Variants in ATP1B2 observed in about 807,000 individuals in gnomAD.
The protein encoded by ATP1B2 is ATPase Na+/K+ transporting subunit beta 2.
In ATP1B2, 12 loss-of-function variants were observed where a neutral mutation model predicts 37.3. The ratio of observed to expected loss-of-function variants is 0.32; its 90% CI spans 0.21 to 0.52. The LOEUF is 0.52. Ranked by LOEUF, ATP1B2 falls within the 20% of genes least tolerant of loss-of-function variation. ATP1B2 has a pLI of 0.96. For synonymous variants in ATP1B2, 139 were observed against 140.5 expected (o/e 0.99, Z 0.07); for missense variants, 324 against 391.6 (o/e 0.83, Z 1.46).
At chr17:7,649,976 G>A (rs563800978), upstream of ATP1B2, among the ~76,000 whole-genome samples, 9 of 152,304 alleles carry the variant, frequency 5.9e-5, no homozygotes, top group East Asian at 1.9e-4. Flanking sequence ...ACAGGCATAA[G>A]CCACCGTGCC....
At chr17:7,651,980 C>T (rs1387604002) in intron 1 of ATP1B2, among the ~76,000 whole-genome samples, 1 of 152,170 alleles carries the variant, frequency 6.6e-6, no homozygotes, top group African/African-American at 2.4e-5. Context: ...TCCCTCCCTC[C>T]GGCTCTCACT....
In ATP1B2 at chr17:7,654,612, T is replaced by A. The variant is rs772035818; in HGVS notation, c.553-16T>A. 1.9e-6 allele frequency: 3 copies of A among 1,613,904 alleles called. No individual in the cohort carries two copies. In the South Asian group the frequency reaches 3.3e-5, roughly 18 times the overall value. ...CTTCTTCCTCTGACTCTCTTCACCT[T>A]CCACCCTCACTCCAGGTCATCAACT... On this transcript the variant is annotated splice_polypyrimidine_tract_variant and intron_variant, in intron 4 of 6. Transcript: ENST00000250111. The surrounding 1 kb of genome is among the most constrained non-coding windows in gnomAD (Gnocchi z 4.9).
chr17:7,648,188 C>T (rs2150976149), upstream of ATP1B2, among the ~76,000 whole-genome samples: 1 of 152,152 alleles, frequency 6.6e-6, no homozygotes, highest in South Asian at 2.1e-4. Context: ...TGCAGTGAGC[C>T]AAGATCGCGT....
chr17:7,654,604 C>T lies in ATP1B2; in HGVS notation c.553-24C>T, dbSNP rs998783323. On this transcript the variant is annotated intron_variant, in intron 4 of 6. Transcript: ENST00000250111. The surrounding 1 kb of genome is among the most constrained non-coding windows in gnomAD (Gnocchi z 4.9). ...TTCGACAACTTCTTCCTCTGACTCT[C>T]TTCACCTTCCACCCTCACTCCAGGT... 2 of 1,613,566 alleles carry T rather than the reference C, an allele frequency of 1.2e-6. No individual in the cohort carries two copies. Among genetic ancestry groups the T allele is most frequent in the South Asian group, 2.2e-5 (2 of 91,046 alleles).
chr17:7,648,019 T>C (rs1348461742), upstream of ATP1B2, among the ~76,000 whole-genome samples: 1 of 151,496 alleles, frequency 6.6e-6, no homozygotes, highest in Non-Finnish European at 1.5e-5. Context: ...ATCCCTTGAG[T>C]CCAGGAGTCC....
At chr17:7,647,859 G>GA (rs1296438638), upstream of ATP1B2, among the ~76,000 whole-genome samples, 6 of 150,880 alleles carry the variant, frequency 4.0e-5, no homozygotes, top group Non-Finnish European at 7.4e-5. Context: ...AAATAGCAAA[G>GA]AAAAAAACAC....
At chr17:7,651,948 C>G (rs1487221495) in intron 1 of ATP1B2, among the ~76,000 whole-genome samples, 2 of 152,188 alleles carry the variant, frequency 1.3e-5, no homozygotes, top group African/African-American at 4.8e-5. Context: ...ACGGGCGTCC[C>G]CCACCTCCAA....
chr17:7,653,115 A>G (rs1042129599), intron 1 of ATP1B2, among the ~76,000 whole-genome samples: 2 of 152,196 alleles, frequency 1.3e-5, no homozygotes, highest in African/African-American at 4.8e-5. Context: ...AATTGGAGGC[A>G]AAATAACAGA....
In ATP1B2 at chr17:7,651,292, A is replaced by T. The variant is rs2072610273; in HGVS notation, c.-227A>T. ...CTCTGACAGCACCCCTTTTCATCGC[A>T]GTTGGGGGGCCTAGGATCGGTGCAT... On this transcript the variant is annotated 5_prime_UTR_variant, in exon 1 of 7. Coordinates refer to ENST00000250111, the MANE Select transcript of ATP1B2 (RefSeq NM_001678.5). 1.8e-6 allele frequency: 1 copy of T among 552,188 alleles called. No homozygotes were observed. The highest frequency in any genetic ancestry group is 3.1e-5 in the Admixed American group (1 of 32,196). 34.2% of individuals were successfully genotyped at this position (552,188 alleles called of 1,614,324 possible).
Position 7,654,939 on chromosome 17 carries a change from C to G in ATP1B2, c.609+255C>G. On this transcript the variant is annotated intron_variant, in intron 5 of 6. Transcript: ENST00000250111. The surrounding 1 kb of genome is among the most constrained non-coding windows in gnomAD (Gnocchi z 4.9). ...GGGCCAGACACACGCCCTCCTCCAC[C>G]AACGCCCTGGCCTCTGGCTTCTCTC... is the stretch of plus-strand genomic sequence containing the variant. 2.0e-6 allele frequency: 1 copy of G among 500,810 alleles called. No individual in the cohort carries two copies. Among genetic ancestry groups the G allele is most frequent in the South Asian group, 2.6e-5 (1 of 38,670 alleles). 31.0% of individuals were successfully genotyped at this position (500,810 alleles called of 1,614,324 possible).
At chr17:7,649,879 A>C (rs1330852584), upstream of ATP1B2, among the ~76,000 whole-genome samples, 4 of 151,546 alleles carry the variant, frequency 2.6e-5, no homozygotes, top group African/African-American at 9.7e-5. Flanking sequence ...TTTTAAGTAG[A>C]GACGGGGTTT....
Position 7,654,863 on chromosome 17 carries a change from G to A in ATP1B2, c.609+179G>A. ...CTCCACTGTAGCTTGAACTCCGAGG[G>A]CCCCGCACTCCTCTTGCTTCTCTCT... On this transcript the variant is annotated intron_variant, in intron 5 of 6. Coordinates refer to ENST00000250111, the MANE Select transcript of ATP1B2 (RefSeq NM_001678.5). This position sits in a 1 kb window ranked among gnomAD's most constrained non-coding sequence, Gnocchi z 4.9. The A allele has an allele frequency of 1.6e-6, 1 of 642,688 alleles. No individual in the cohort carries two copies. Among genetic ancestry groups the A allele is most frequent in the South Asian group, 1.9e-5 (1 of 51,936 alleles). 39.8% of individuals were successfully genotyped at this position (642,688 alleles called of 1,614,324 possible).
upstream of ATP1B2, among the ~76,000 whole-genome samples, chr17:7,650,860 T>TGGGAAGGGGGC (rs2063521565): frequency 1.1e-5 from 1 of 91,544 alleles, no homozygotes; most frequent in African/African-American, 4.1e-5. Context: ...CTTCTGGGGG[T>TGGGAAGGGGGC]GGGAAGGGGG....
chr17:7,650,374 G>A (rs1471811272), upstream of ATP1B2, among the ~76,000 whole-genome samples: 1 of 152,138 alleles, frequency 6.6e-6, no homozygotes, highest in Non-Finnish European at 1.5e-5. Context: ...AGAAGGAGGC[G>A]TCTGGGGGAC....
rs770134722 is a variant in ATP1B2 at position 7,655,727 on chromosome 17, C to G, written c.709-4C>G. ...CTAGACCCTGCACTGCTCCTCCGGC[C>G]CAGGTGAACTACACACAGCCCCTGG... On this transcript the variant is annotated splice_polypyrimidine_tract_variant and splice_region_variant and intron_variant, in intron 6 of 6. Transcript: ENST00000250111. The surrounding 1 kb of genome is among the most constrained non-coding windows in gnomAD (Gnocchi z 4.4). 6.2e-7 allele frequency: 1 copy of G among 1,614,048 alleles called. No homozygotes were observed. Among genetic ancestry groups the G allele is most frequent in the Non-Finnish European group, 8.5e-7 (1 of 1,179,984 alleles).
chr17:7,651,465 C>G lies in ATP1B2; in HGVS notation c.-54C>G, dbSNP rs545347898. On this transcript the variant is annotated 5_prime_UTR_variant, in exon 1 of 7. Coordinates refer to ENST00000250111, the MANE Select transcript of ATP1B2 (RefSeq NM_001678.5). ...GTGGAGGGCTTCAGCGCGCGGCGCC[C>G]CCGCTTCTCCGCAACCCCCCGCCCC... is the stretch of plus-strand genomic sequence containing the variant. The G allele has an allele frequency of 6.7e-7, 1 of 1,499,030 alleles. No individual in the cohort carries two copies. Among genetic ancestry groups the G allele is most frequent in the Non-Finnish European group, 9.1e-7 (1 of 1,102,410 alleles). 92.9% of individuals were successfully genotyped at this position (1,499,030 alleles called of 1,614,324 possible).
chr17:7,649,386 T>C (rs891300720), upstream of ATP1B2, among the ~76,000 whole-genome samples: 2 of 151,856 alleles, frequency 1.3e-5, no homozygotes, highest in Non-Finnish European at 2.9e-5. Flanking sequence ...GATAATGATT[T>C]TTTTTTTCTC....
chr17:7,651,897 C>T, intron 1 of ATP1B2, among the ~76,000 whole-genome samples: 1 of 98 alleles, frequency 0.01, no homozygotes, highest in Non-Finnish European at 0.021. Context: ...TGCGTGTCCG[C>T]GCCGGCGCTC....
In ATP1B2 at chr17:7,654,353, A is replaced by C. The variant is rs1371610604; in HGVS notation, c.552+96A>C. ...CCTTTCACTGGGGCTAATGGGCATG[A>C]GAAAGACTTGGATGTTTGTGTAGCT... On this transcript the variant is annotated intron_variant, in intron 4 of 6. Transcript: ENST00000250111. This position sits in a 1 kb window ranked among gnomAD's most constrained non-coding sequence, Gnocchi z 4.9. 5 of 1,390,640 alleles carry C rather than the reference A, an allele frequency of 3.6e-6. No individual in the cohort carries two copies. In the African/African-American group the frequency reaches 7.1e-5, roughly 20 times the overall value. The allele number at this position is 1,390,640 out of a possible 1,614,324, so 86.1% of individuals were successfully genotyped here.
Sources: gnomAD v4.1 joint callset for allele counts (sites outside exome capture counted in the v4.1 genomes callset) on GRCh38, gnomAD v4.1.1 for gene constraint, Gnocchi (gnomAD v3.1) non-coding constraint, MANE v1.5 for transcripts, NCBI Gene and HGNC (gene_info 2026-07-23, HGNC 2026-07-21) for gene names.